The following ODF2 variants were observed in gnomAD, a reference collection of about 807,000 sequenced individuals.
ODF2 encodes outer dense fiber protein 2.
Under a neutral mutation model 110.2 loss-of-function variants are expected in ODF2, and 47 were observed. The observed-to-expected ratio is 0.43, with a 90% confidence interval of 0.34 to 0.54. The LOEUF (loss-of-function observed/expected upper bound fraction) is 0.54, where lower values mean the gene tolerates loss of function less well. ODF2 is among the 20% of genes least tolerant of loss of function. The probability of loss-of-function intolerance (pLI) is 0.03; values close to 1 mark genes in which losing one functional copy is unlikely to be tolerated. For synonymous variants in ODF2, 352 were observed against 397.7 expected (o/e 0.89, Z 1.37); for missense variants, 812 against 1,054.5 (o/e 0.77, Z 3.19).
exon 20 of ODF2, chr9:128,499,048 G>T: frequency 6.2e-7 from 1 of 1,614,192 alleles, no homozygotes; most frequent in South Asian, 1.1e-5. Context: ...GAGCAGCCCA[G>T]AACAAAATCC....
At chr9:128,488,748 A>G (rs752180825) in intron 14 of ODF2, among the ~76,000 whole-genome samples, 16 of 152,160 alleles carry the variant, frequency 1.1e-4, no homozygotes, top group Non-Finnish European at 2.1e-4. Context: ...TCACGTCTGT[A>G]ATCCCAGCAC....
rs147341403 is a variant in ODF2 at position 128,477,878 on chromosome 9, G to T, written c.844-3702G>T. Among the ~76,000 whole-genome samples the T allele has an allele frequency of 9.5e-3, 1,445 of 151,722 alleles. 31 individuals are homozygous for T. Among genetic ancestry groups the T allele is most frequent in the East Asian group, 0.073 (373 of 5,134 alleles). On this transcript the variant is annotated intron_variant, in intron 8 of 20. Transcript: ENST00000604420. ...CCTCCCAAAGTGCTGGGATTACAGGGGTGAGCCATTGTGCCCGGCCACTCA... is the reference window on the plus strand; with the variant it reads ...CCTCCCAAAGTGCTGGGATTACAGGTGTGAGCCATTGTGCCCGGCCACTCA...
intron 8 of ODF2, among the ~76,000 whole-genome samples, chr9:128,475,375 T>C (rs1841038021): frequency 6.6e-6 from 1 of 152,206 alleles, no homozygotes; most frequent in Non-Finnish European, 1.5e-5. Context: ...AAATTAATGA[T>C]GTACAACATG....
rs115506550 is a variant in ODF2, at chr9:128,498,088, T to C, written c.2013-325T>C. On this transcript the variant is annotated intron_variant, in intron 18 of 20. Coordinates refer to ENST00000604420, the Ensembl canonical transcript of ODF2. ...ATTCCCCTCTCTGAGGCTCAGTTTC[T>C]TCATTTCTGAAGTGGGGATAATAAT... The C allele has an allele frequency of 1.0e-2, 1,874 of 187,444 alleles. 34 individuals carry two copies. The highest frequency in any genetic ancestry group is 0.041 in the African/African-American group (1,763 of 42,896). The allele number at this position is 187,444 out of a possible 1,614,324, so 11.6% of individuals were successfully genotyped here.
chr9:128,475,721 C>T (rs898467068), intron 8 of ODF2, among the ~76,000 whole-genome samples: 3 of 151,980 alleles, frequency 2.0e-5, no homozygotes, highest in African/African-American at 7.3e-5. Flanking sequence ...TCTCTGTTCA[C>T]TGCAACCTCC....
At chr9:128,473,082 C>T (rs763523784) in intron 7 of ODF2, 40 bp downstream of exon 7, 27 of 1,612,440 alleles carry the variant, frequency 1.7e-5, no homozygotes, top group Non-Finnish European at 2.1e-5. Context: ...TGGAACTGGC[C>T]TCGGGAGGGG....
intron 16 of ODF2, 59 bp downstream of exon 16, chr9:128,492,864 T>G: frequency 5.7e-6 from 8 of 1,396,826 alleles, no homozygotes; most frequent in Non-Finnish European, 8.1e-6. Context: ...ACTCAATGAC[T>G]GTGAGTCTGT....
At chr9:128,487,913 A>T (rs759329670) in exon 14 of ODF2, 1 of 1,614,078 alleles carries the variant, frequency 6.2e-7, no homozygotes, top group Non-Finnish European at 8.5e-7. Flanking sequence ...CTTGTAAACC[A>T]ACAACAAACC....
At chr9:128,481,556 T>A in intron 8 of ODF2, 24 bp from the exon 9 acceptor site, 1 of 1,598,960 alleles carries the variant, frequency 6.3e-7, no homozygotes, top group Non-Finnish European at 8.6e-7. Flanking sequence ...ATGACTTGAC[T>A]TTTTCCTTTG....
chr9:128,481,735 C>T (rs1030933891), intron 9 of ODF2, 84 bp downstream of exon 9: 1 of 1,123,112 alleles, frequency 8.9e-7, no homozygotes, highest in Non-Finnish European at 1.3e-6. Context: ...GTGCTTGGAT[C>T]AAGGCAGGAG....
At chr9:128,474,221 G>A (rs572760357) in intron 8 of ODF2, among the ~76,000 whole-genome samples, 3 of 152,204 alleles carry the variant, frequency 2.0e-5, no homozygotes, top group East Asian at 3.9e-4. Flanking sequence ...TAGGCTGAGC[G>A]CGGTGGATCA....
chr9:128,477,644 C>T (rs189558431), intron 8 of ODF2, among the ~76,000 whole-genome samples: 9 of 150,558 alleles, frequency 6.0e-5, no homozygotes, highest in African/African-American at 2.2e-4. Context: ...CTCGCTCTGT[C>T]ACCGAGGCTG....
Position 128,482,896 on chromosome 9 carries a change from CTT to C in ODF2, c.987+27_987+28del, listed in dbSNP as rs11290748. 0.21 allele frequency: 263,033 copies of C among 1,270,060 alleles called. 4 individuals are homozygous for C. The highest frequency in any genetic ancestry group is 0.22 in the Non-Finnish European group (212,216 of 949,142). The allele number at this position is 1,270,060 out of a possible 1,614,324, so 78.7% of individuals were successfully genotyped here. A position where few individuals can be genotyped will look rare whatever the true frequency, so the allele number is the denominator to read the frequency against. On this transcript the variant is annotated intron_variant, in intron 10 of 20. Transcript: ENST00000604420. ...AAATACAATGTGAGAAGGTAGTGTG[CTT>C]TTTTTTTTTTTTTTTTTAGACGGAG...
At chr9:128,455,303 G>A (rs1357756809), upstream of ODF2, 2 of 1,409,706 alleles carry the variant, frequency 1.4e-6, no homozygotes, top group Admixed American at 2.0e-5. Flanking sequence ...TGTAATACAA[G>A]CACTTTGGAA....
chr9:128,468,892 C>A (rs1405687066), intron 4 of ODF2: 1 of 305,070 alleles, frequency 3.3e-6, no homozygotes, highest in African/African-American at 2.2e-5. Flanking sequence ...GGCTTCCCGC[C>A]TCGGCCTCCC....
At chr9:128,493,660 C>T (rs1252522020) in intron 16 of ODF2, among the ~76,000 whole-genome samples, 1 of 152,190 alleles carries the variant, frequency 6.6e-6, no homozygotes, top group African/African-American at 2.4e-5. Flanking sequence ...TAACCTTGGG[C>T]AAGTCAAGCC....
chr9:128,459,719 C>T, intron 3 of ODF2, 62 bp downstream of exon 2: 1 of 1,308,778 alleles, frequency 7.6e-7, no homozygotes, highest in Non-Finnish European at 1.1e-6. Flanking sequence ...CTTTTGCACA[C>T]CGTTTCTAGG....
intron 1 of ODF2, 158 bp downstream of exon 1, chr9:128,456,413 C>T (rs1370998012): frequency 3.4e-6 from 5 of 1,475,492 alleles, no homozygotes; most frequent in Non-Finnish European, 4.5e-6. Context: ...ACCTGGGCCC[C>T]CGCCCCGCCC....
upstream of ODF2, chr9:128,455,942 C>A: frequency 7.1e-7 from 1 of 1,403,074 alleles, no homozygotes; most frequent in Non-Finnish European, 9.2e-7. Context: ...CCGGCCAGGC[C>A]CGCTGGACGC....
Sources: allele counts gnomAD v4.1 joint callset (sites outside exome capture counted in the v4.1 genomes callset), GRCh38; gene constraint gnomAD v4.1.1; transcripts MANE v1.5; gene names NCBI Gene and HGNC (gene_info 2026-07-23, HGNC 2026-07-21).